Variants in NUP160 observed in about 807,000 individuals in gnomAD.
NUP160 encodes the protein nuclear pore complex protein Nup160.
A neutral mutation model predicts 196.9 loss-of-function variants in NUP160; 94 were observed. The ratio of observed to expected loss-of-function variants is 0.48; its 90% CI spans 0.40 to 0.57. The LOEUF is 0.57. NUP160 is among the 20% of genes least tolerant of loss of function. The pLI is 0.00. For missense variants in NUP160, 1,638 were observed against 1,748.3 expected, an observed-to-expected ratio of 0.94 and a Z score of 1.13; for synonymous variants, 605 against 619.7, an observed-to-expected ratio of 0.98 and a Z score of 0.35.
intron 15 of NUP160, among the ~76,000 whole-genome samples, 169 bp downstream of exon 15, chr11:47,812,713 G>A (rs1398502151): frequency 1.3e-5 from 2 of 152,198 alleles, no homozygotes; most frequent in Non-Finnish European, 2.9e-5. Context: ...ACTTGAAGTC[G>A]TGTTAAATTT....
intron 34 of NUP160, among the ~76,000 whole-genome samples, chr11:47,781,876 T>G (rs927690412): frequency 5.9e-5 from 9 of 152,184 alleles, no homozygotes; most frequent in Non-Finnish European, 1.2e-4. Context: ...AGACTAGAGA[T>G]TCCTAGAGTG....
At chr11:47,817,661 C>G (rs1027316650) in intron 11 of NUP160, among the ~76,000 whole-genome samples, 1 of 152,074 alleles carries the variant, frequency 6.6e-6, no homozygotes, top group African/African-American at 2.4e-5. Context: ...TTTCTTGAAT[C>G]TGAACCAAGT....
At chr11:47,786,499 G>A in exon 32 of NUP160, 1 of 1,614,024 alleles carries the variant, frequency 6.2e-7, no homozygotes, top group East Asian at 2.2e-5. Flanking sequence ...TTGGCTGCTA[G>A]CCAGGCCCAG....
chr11:47,848,305 C>CCCGCCGCCGCCATCTTCCCG lies in NUP160; in HGVS notation c.96_115dup (p.Gly39AlafsTer17). 1 of 1,613,954 alleles carries CCCGCCGCCGCCATCTTCCCG rather than the reference C, an allele frequency of 6.2e-7. No homozygotes were observed. Among genetic ancestry groups the CCCGCCGCCGCCATCTTCCCG allele is most frequent in the Non-Finnish European group, 8.5e-7 (1 of 1,180,012 alleles). On this transcript the variant is annotated frameshift_variant, in exon 1 of 36. Transcript: ENST00000378460. LOFTEE classifies it high-confidence loss of function. ...CTCCACGAAGCTCCGTTCCAGGGCT[C>CCCGCCGCCGCCATCTTCCCG]CCGCCGCCGCCATCTTCCCGCCGTC...
chr11:47,797,204 T>C (rs1369871773), intron 27 of NUP160, among the ~76,000 whole-genome samples: 1 of 152,198 alleles, frequency 6.6e-6, no homozygotes, highest in Non-Finnish European at 1.5e-5. Flanking sequence ...GTCTCAAAAA[T>C]TCATGCTGTC....
chr11:47,796,152 T>TG (rs767511118), intron 27 of NUP160: 2 of 117,186 alleles, frequency 1.7e-5, no homozygotes, highest in Non-Finnish European at 3.0e-5. Context: ...AGACTTCATC[T>TG]AAAAAAAAAA....
chr11:47,808,549 G>A lies in NUP160; in HGVS notation c.2242-20C>T, dbSNP rs745707074. 23 of 1,604,164 alleles carry A rather than the reference G, an allele frequency of 1.4e-5. No individual in the cohort carries two copies. The South Asian group carries it at 2.4e-4, about 16-fold the overall frequency. On this transcript the variant is annotated intron_variant, in intron 17 of 35. Coordinates refer to ENST00000378460, the Ensembl canonical transcript of NUP160. The stretch of plus-strand genomic sequence containing the variant: ...AATCACCTATACATTATGGGTAGGT[G>A]GACCAGACAAGAAATTATAGCAATT...
chr11:47,823,565 C>T (rs958255746), intron 7 of NUP160, among the ~76,000 whole-genome samples: 8 of 152,036 alleles, frequency 5.3e-5, no homozygotes, highest in Non-Finnish European at 1.2e-4. Flanking sequence ...TAAGGAGCCT[C>T]GCTCTATCGC....
At chr11:47,793,553 C>A (rs982692669) in intron 27 of NUP160, among the ~76,000 whole-genome samples, 5 of 151,836 alleles carry the variant, frequency 3.3e-5, no homozygotes, top group African/African-American at 1.2e-4. Flanking sequence ...TGGGTATATA[C>A]CCCAAAGAAT....
rs764090748 is a variant in NUP160, at chr11:47,797,964, A to G, written c.3183+14T>C. The G allele has an allele frequency of 7.7e-6, 12 of 1,554,822 alleles. No individual in the cohort carries two copies. Among genetic ancestry groups the G allele is most frequent in the East Asian group, 2.3e-5 (1 of 44,416 alleles). On this transcript the variant is annotated intron_variant, in intron 26 of 35. Transcript: ENST00000378460. ...CATACTTGTTGAAAGCCATCACTGGATAAGTAAAATTACCTCATTATGCAG... is the reference window on the plus strand; with the variant it reads ...CATACTTGTTGAAAGCCATCACTGGGTAAGTAAAATTACCTCATTATGCAG...
exon 12 of NUP160, chr11:47,815,952 T>A: frequency 6.2e-7 from 1 of 1,612,232 alleles, no homozygotes; most frequent in East Asian, 2.2e-5. Context: ...TCACCTCATT[T>A]TCAACAGCTA....
At chr11:47,789,717 T>C (rs2097666805) in intron 29 of NUP160, among the ~76,000 whole-genome samples, 2 of 151,838 alleles carry the variant, frequency 1.3e-5, no homozygotes, top group Admixed American at 1.3e-4. Context: ...GTATAGTATA[T>C]AACAATGTAA....
chr11:47,821,935 C>T, intron 8 of NUP160, 114 bp from the exon 9 acceptor site: 1 of 1,005,668 alleles, frequency 9.9e-7, no homozygotes, highest in Non-Finnish European at 1.5e-6. Context: ...AACATGGTAC[C>T]ACATGAATTT....
At chr11:47,842,826 C>A (rs1020785679) in intron 2 of NUP160, among the ~76,000 whole-genome samples, 1 of 151,886 alleles carries the variant, frequency 6.6e-6, no homozygotes, top group African/African-American at 2.4e-5. Context: ...CCTATCTCTA[C>A]AAAATAAAAA....
chr11:47,848,047 T>C, intron 1 of NUP160, 88 bp from the exon 2 acceptor site: 1 of 1,274,564 alleles, frequency 7.8e-7, no homozygotes, highest in East Asian at 2.3e-5. Context: ...AGTGACAGAC[T>C]GACAACCCAT....
At chr11:47,836,373 C>T in intron 6 of NUP160, among the ~76,000 whole-genome samples, 1 of 152,140 alleles carries the variant, frequency 6.6e-6, no homozygotes, top group Middle Eastern at 3.4e-3. Context: ...ACCATTTTAC[C>T]AACTTACATT....
chr11:47,817,239 C>A (rs1365874565), intron 11 of NUP160, among the ~76,000 whole-genome samples: 1 of 151,968 alleles, frequency 6.6e-6, no homozygotes, highest in African/African-American at 2.4e-5. Flanking sequence ...CCTCTTCAGC[C>A]TCCCAAAATT....
rs1006491795 is a variant in NUP160 at position 47,847,835 on chromosome 11, C to A, written c.314+13G>T. The A allele has an allele frequency of 6.3e-7, 1 of 1,596,380 alleles. No individual in the cohort carries two copies. The highest frequency in any genetic ancestry group is 8.6e-7 in the Non-Finnish European group (1 of 1,163,756). The stretch of plus-strand genomic sequence containing the variant: ...CTACCTTCCAGGGGAGTTTGGCGAA[C>A]CACAACACTTACCAATGAATGAACC... On this transcript the variant is annotated intron_variant, in intron 2 of 35. Transcript: ENST00000378460.
exon 10 of NUP160, chr11:47,819,458 A>T: frequency 1.2e-6 from 2 of 1,608,842 alleles, no homozygotes; most frequent in Non-Finnish European, 1.7e-6. Flanking sequence ...CTGCAACATT[A>T]CTAGAGACAA....
Sources: allele counts gnomAD v4.1 joint callset (sites outside exome capture counted in the v4.1 genomes callset), GRCh38; gene constraint gnomAD v4.1.1; transcripts MANE v1.5; gene names NCBI Gene and HGNC (gene_info 2026-07-23, HGNC 2026-07-21).